The following FIGNL2 variants were observed in gnomAD, a reference collection of about 807,000 sequenced individuals.
The protein encoded by FIGNL2 is fidgetin-like protein 2.
For missense variants in FIGNL2, 1,060 were observed against 950.2 expected, an observed-to-expected ratio of 1.12 and a Z score of -1.52; for synonymous variants, 565 against 484.0, an observed-to-expected ratio of 1.17 and a Z score of -2.20.
rs949185281 is a variant in FIGNL2 at position 51,819,379 on chromosome 12, C to T, written c.*1073G>A. On this transcript the variant is annotated 3_prime_UTR_variant, in exon 2 of 2. Transcript: ENST00000618634. The stretch of plus-strand genomic sequence containing the variant: ...CTCAAACCCCACAGCCCACTCCCCA[C>T]ATTCATGCCTAGGCCTCGGCCCTGG... The T allele has an allele frequency of 1.3e-5, 2 of 152,698 alleles. No individual in the cohort carries two copies. Among genetic ancestry groups the T allele is most frequent in the African/African-American group, 2.4e-5 (1 of 41,440 alleles). The allele number at this position is 152,698 out of a possible 1,614,324, so 9.5% of individuals were successfully genotyped here.
chr12:51,836,295 T>A (rs1939577723), intron 1 of FIGNL2, among the ~76,000 whole-genome samples: 1 of 152,168 alleles, frequency 6.6e-6, no homozygotes, highest in Non-Finnish European at 1.5e-5. Flanking sequence ...GACAGGGCAC[T>A]CTGTCATCTG....
Position 51,845,468 on chromosome 12 carries a change from C to A in FIGNL2, c.-12+3072G>T, listed in dbSNP as rs923463499. 1.6e-4 allele frequency: 154 copies of A among 985,398 alleles called. No homozygotes were observed. In the African/African-American group the frequency reaches 2.1e-3, roughly 13 times the overall value. 61.0% of individuals were successfully genotyped at this position (985,398 alleles called of 1,614,324 possible). A position where few individuals can be genotyped will look rare whatever the true frequency, so the allele number is the denominator to read the frequency against. ...ACCTCTTGTGGCTCACCGCCCCCCC[C>A]CCACAGTCTCTGTCCCCTGAAGGGG... On this transcript the variant is annotated intron_variant, in intron 1 of 1. Coordinates refer to ENST00000618634, the MANE Select transcript of FIGNL2 (RefSeq NM_001384995.1).
chr12:51,823,045 C>T (rs901305314), intron 1 of FIGNL2, among the ~76,000 whole-genome samples: 5 of 152,230 alleles, frequency 3.3e-5, no homozygotes, highest in Admixed American at 3.3e-4. Context: ...ATGGGACTGC[C>T]TTATCCATGG....
intron 1 of FIGNL2, among the ~76,000 whole-genome samples, chr12:51,838,692 A>G (rs10783478): frequency 0.64 from 97,188 of 152,034 alleles, 32,391 homozygotes; most frequent in Admixed American, 0.74. Context: ...CTGACTAGCT[A>G]GAGGGGCCAC....
Position 51,846,926 on chromosome 12 carries a change from A to G in FIGNL2, c.-12+1614T>C, listed in dbSNP as rs753788344. ...AAGTGGAAAGAAATGAAATGGTGTT[A>G]AACATGGGAAAGGGGATTTACGAGG... On this transcript the variant is annotated intron_variant, in intron 1 of 1. Transcript: ENST00000618634. 455 of 884,132 alleles carry G rather than the reference A, an allele frequency of 5.1e-4. 1 individual carries two copies. Among genetic ancestry groups the G allele is most frequent in the Admixed American group, 3.0e-3 (48 of 16,160 alleles). 54.8% of individuals were successfully genotyped at this position (884,132 alleles called of 1,614,324 possible).
rs1408846434 is a variant in FIGNL2 at position 51,822,419 on chromosome 12, A to G, written c.-6T>C. ...TGTTCTGGTGTCCAGTGCATCTTCA[A>G]CAGAGCTGCGGGCAAGAGACAGGAG... is the stretch of plus-strand genomic sequence containing the variant. On this transcript the variant is annotated 5_prime_UTR_variant, in exon 2 of 2. Coordinates refer to ENST00000618634, the MANE Select transcript of FIGNL2 (RefSeq NM_001384995.1). 2.5e-6 allele frequency: 4 copies of G among 1,613,162 alleles called. No homozygotes were observed. The highest frequency in any genetic ancestry group is 3.4e-6 in the Non-Finnish European group (4 of 1,179,746).
At chr12:51,834,012 AATGGACGG>A (rs199823451) in intron 1 of FIGNL2, among the ~76,000 whole-genome samples, 2 of 16,922 alleles carry the variant, frequency 1.2e-4, no homozygotes, top group Admixed American at 1.4e-3. Context: ...TGGACAGACA[AATGGACGG>A]ATGGATGGAT....
rs931185080 is a variant in FIGNL2, at chr12:51,820,305, A to T, written c.*147T>A. The T allele has an allele frequency of 1.8e-6, 2 of 1,092,038 alleles. No homozygotes were observed. The highest frequency in any genetic ancestry group is 3.3e-5 in the African/African-American group (2 of 60,176). 67.6% of individuals were successfully genotyped at this position (1,092,038 alleles called of 1,614,324 possible). A position where few individuals can be genotyped will look rare whatever the true frequency, so the allele number is the denominator to read the frequency against. ...AGCATTTTCCTTCCCACGAAAAAAA[A>T]AATATCCACCGGCAGACCCCTCCTG... On this transcript the variant is annotated 3_prime_UTR_variant, in exon 2 of 2. Coordinates refer to ENST00000618634, the MANE Select transcript of FIGNL2 (RefSeq NM_001384995.1).
chr12:51,839,379 A>G (rs540984637), intron 1 of FIGNL2, among the ~76,000 whole-genome samples: 6 of 152,244 alleles, frequency 3.9e-5, no homozygotes, highest in African/African-American at 1.4e-4. Flanking sequence ...CCACTCATCT[A>G]GCTGGCCATG....
Position 51,821,348 on chromosome 12 carries a change from G to A in FIGNL2, c.1066C>T (p.Arg356Cys), listed in dbSNP as rs1428166951. Residue 356 changes from arginine (R) to cysteine (C), a missense_variant, in exon 2 of 2, where the codon CGT becomes TGT. Arg to Cys is a radical substitution (Grantham distance 180, BLOSUM62 -3). Coordinates refer to ENST00000618634, the MANE Select transcript of FIGNL2 (RefSeq NM_001384995.1). Reference sequence around the variant, plus strand: ...CCCGACGGCACGGCGAACCCCCCACGAGGAGCCGGGGCCCGCTCCGGGAAC... The same window carrying A: ...CCCGACGGCACGGCGAACCCCCCACAAGGAGCCGGGGCCCGCTCCGGGAAC... Reference protein sequence around the residue: ...EKFPERAPAPRGGFAVPSGET... With the variant: ...EKFPERAPAPCGGFAVPSGET... 2 of 1,500,912 alleles carry A rather than the reference G, an allele frequency of 1.3e-6. No homozygotes were observed. Among genetic ancestry groups the A allele is most frequent in the Admixed American group, 2.1e-5 (1 of 46,866 alleles). The allele number at this position is 1,500,912 out of a possible 1,614,324, so 93.0% of individuals were successfully genotyped here.
At chr12:51,846,842 A>C (rs1440030037) in intron 1 of FIGNL2, among the ~76,000 whole-genome samples, 1 of 152,222 alleles carries the variant, frequency 6.6e-6, no homozygotes, top group Non-Finnish European at 1.5e-5. Context: ...CTTCGCCCAG[A>C]AGATATTACA....
At position 51,822,122 on chromosome 12, in the gene FIGNL2, G is replaced by A. The variant is rs777294910; in HGVS notation, c.292C>T (p.Pro98Ser). 5 of 1,610,890 alleles carry A rather than the reference G, an allele frequency of 3.1e-6. No individual in the cohort carries two copies. The highest frequency in any genetic ancestry group is 4.2e-6 in the Non-Finnish European group (5 of 1,178,782). The change falls in exon 2 of 2, where the codon CCC becomes TCC. Residue 98 changes from proline (P) to serine (S), a missense_variant. Coordinates refer to ENST00000618634, the MANE Select transcript of FIGNL2 (RefSeq NM_001384995.1). ...FLNGAKGDPE[P>S]WPGPEPPYPL... is the part of the protein sequence containing the mutation. ...TAGGGTGGCTCCGGCCCTGGCCAGG[G>A]CTCGGGATCCCCTTTGGCGCCGTTG...
chr12:51,843,891 T>C (rs1939702889), intron 1 of FIGNL2, among the ~76,000 whole-genome samples: 1 of 151,540 alleles, frequency 6.6e-6, no homozygotes, highest in South Asian at 2.1e-4. Flanking sequence ...CTGGGCAACA[T>C]AGTGAGACCA....
intron 1 of FIGNL2, among the ~76,000 whole-genome samples, chr12:51,834,097 GTGGATGGATGGTTGGATGGA>G (rs1345741748): frequency 1.1e-5 from 1 of 87,960 alleles, no homozygotes; most frequent in Non-Finnish European, 2.7e-5. Flanking sequence ...AGACGGATGG[GTGGATGGATGGTTGGATGGA>G]TGGATGGATG....
intron 1 of FIGNL2, among the ~76,000 whole-genome samples, chr12:51,830,781 C>A (rs1015394267): frequency 6.6e-6 from 1 of 151,804 alleles, no homozygotes; most frequent in African/African-American, 2.4e-5. Flanking sequence ...TGAGCCACCA[C>A]ACCCGGCCTA....
At chr12:51,836,478 G>A (rs1281887697) in intron 1 of FIGNL2, among the ~76,000 whole-genome samples, 1 of 152,164 alleles carries the variant, frequency 6.6e-6, no homozygotes, top group Admixed American at 6.5e-5. Flanking sequence ...GGTCACAGCT[G>A]TGTCCCCCGA....
chr12:51,836,666 T>G (rs753287228), intron 1 of FIGNL2, among the ~76,000 whole-genome samples: 3 of 152,138 alleles, frequency 2.0e-5, no homozygotes, highest in Non-Finnish European at 4.4e-5. Context: ...TTGTGGTCAC[T>G]CATCCATCCA....
chr12:51,847,436 G>A (rs1939775007), intron 1 of FIGNL2: 1 of 985,350 alleles, frequency 1.0e-6, no homozygotes, highest in Non-Finnish European at 1.2e-6. Flanking sequence ...GCCACAGCCC[G>A]TGCGGACAAC....
chr12:51,829,018 C>T (rs1433036284), intron 1 of FIGNL2, among the ~76,000 whole-genome samples: 1 of 152,184 alleles, frequency 6.6e-6, no homozygotes, highest in Admixed American at 6.5e-5. Flanking sequence ...TGGATTCCGT[C>T]ACCCATAGGG....
Sources: gnomAD v4.1 joint callset for allele counts (sites outside exome capture counted in the v4.1 genomes callset) on GRCh38, gnomAD v4.1.1 for gene constraint, MANE v1.5 for transcripts, NCBI Gene and HGNC (gene_info 2026-07-23, HGNC 2026-07-21) for gene names.